DYRK1A: variants seen among roughly 807,000 people sequenced by gnomAD.
DYRK1A encodes dual specificity tyrosine phosphorylation regulated kinase 1A, also known as dual specificity tyrosine-phosphorylation-regulated kinase 1A.
Under a neutral mutation model 79.7 loss-of-function variants are expected in DYRK1A, and 9 were observed. The observed-to-expected ratio is 0.11, with a 90% confidence interval of 0.07 to 0.20. The LOEUF (loss-of-function observed/expected upper bound fraction) is 0.20, where lower values mean the gene tolerates loss of function less well. DYRK1A is among the 10% of genes least tolerant of loss of function. The probability of loss-of-function intolerance (pLI) is 1.00; values close to 1 mark genes in which losing one functional copy is unlikely to be tolerated. For missense variants in DYRK1A, 622 were observed against 956.0 expected, an observed-to-expected ratio of 0.65 and a Z score of 4.61; for synonymous variants, 349 against 329.7, an observed-to-expected ratio of 1.06 and a Z score of -0.63.
chr21:37,502,675 C>T (rs1414553352), intron 9 of DYRK1A: 1 of 152,036 alleles, frequency 6.6e-6, no homozygotes, highest in Non-Finnish European at 1.5e-5. Context: ...TTATATTTAT[C>T]CTTATATTTG....
intron 2 of DYRK1A, among the ~76,000 whole-genome samples, chr21:37,440,004 T>G (rs573178051): frequency 1.6e-4 from 24 of 152,160 alleles, no homozygotes; most frequent in Middle Eastern, 3.4e-3. Context: ...CAATTTTGTT[T>G]AGAATTTTTA....
intron 3 of DYRK1A, among the ~76,000 whole-genome samples, chr21:37,476,818 T>TTCCC (rs1555978497): frequency 5.1e-5 from 4 of 78,146 alleles, no homozygotes; most frequent in African/African-American, 5.2e-5. Context: ...CACCAAGGGT[T>TTCCC]CCCCCCCCCC....
rs1485733080 is a variant in DYRK1A at position 37,413,640 on chromosome 21, G to C, written c.-76-6659G>C. Among the ~76,000 whole-genome samples the C allele has an allele frequency of 2.0e-5, 3 of 152,140 alleles. No homozygotes were observed. The East Asian group carries it at 5.8e-4, about 29-fold the overall frequency. On this transcript the variant is annotated intron_variant, in intron 1 of 11. Transcript: ENST00000647188. Reference sequence around the variant, plus strand: ...TAAATGAGATTACCCTAGATGTTCAGGTTAGTGAGGGAAACGTTACAATAG... The same window carrying C: ...TAAATGAGATTACCCTAGATGTTCACGTTAGTGAGGGAAACGTTACAATAG...
chr21:37,460,613 G>A (rs1156887692), intron 2 of DYRK1A, among the ~76,000 whole-genome samples: 2 of 152,122 alleles, frequency 1.3e-5, no homozygotes, highest in South Asian at 2.1e-4. Context: ...GTTTCCAAAC[G>A]TCCCTACGCT....
At chr21:37,463,203 C>CGTGTGTGTGTGTGTGTGTGTGTGTGT (rs6147501) in intron 2 of DYRK1A, among the ~76,000 whole-genome samples, 19 of 145,362 alleles carry the variant, frequency 1.3e-4, no homozygotes, top group East Asian at 6.2e-4. Context: ...AATGTTGGCA[C>CGTGTGTGTGTGTGTGTGTGTGTGTGT]GTGTGTGTGT....
chr21:37,427,533 T>G (rs2050660512), intron 2 of DYRK1A, among the ~76,000 whole-genome samples: 1 of 152,232 alleles, frequency 6.6e-6, no homozygotes. Context: ...AGTTAATGTT[T>G]AACGGTTCCC....
chr21:37,446,497 G>A (rs1379986881), intron 2 of DYRK1A, among the ~76,000 whole-genome samples: 1 of 151,978 alleles, frequency 6.6e-6, no homozygotes, highest in African/African-American at 2.4e-5. Flanking sequence ...GTAGTTAATG[G>A]GAAAATTCAC....
At chr21:37,392,930 A>G (rs2049897727) in intron 1 of DYRK1A, among the ~76,000 whole-genome samples, 1 of 152,258 alleles carries the variant, frequency 6.6e-6, no homozygotes. Context: ...GTGTCCTCAC[A>G]AGGCAGAACG....
intron 2 of DYRK1A, chr21:37,421,685 A>G (rs1009554041): frequency 1.3e-5 from 2 of 152,134 alleles, no homozygotes; most frequent in Non-Finnish European, 2.9e-5. Flanking sequence ...ATCATAGAAA[A>G]ACAAATAGGC....
At chr21:37,507,377 G>A (rs1224255225) in intron 11 of DYRK1A, among the ~76,000 whole-genome samples, 1 of 151,884 alleles carries the variant, frequency 6.6e-6, no homozygotes, top group African/African-American at 2.4e-5. Context: ...TCATCCTCAG[G>A]CCTCTCCCAT....
Position 37,505,276 on chromosome 21 carries a change from C to A in DYRK1A, c.1213-7C>A. On this transcript the variant is annotated splice_polypyrimidine_tract_variant and splice_region_variant and intron_variant, in intron 9 of 11. Transcript: ENST00000647188. ...TTAGAGAAAGCCTTTCATCTTCTCT[C>A]TTACAGGAGTACAAACCACCAGGAA... The A allele has an allele frequency of 6.2e-7, 1 of 1,602,014 alleles. No homozygotes were observed. The highest frequency in any genetic ancestry group is 1.1e-5 in the South Asian group (1 of 90,184).
rs960078954 is a variant in DYRK1A, at chr21:37,515,608, C to G, written c.*3077C>G. On this transcript the variant is annotated 3_prime_UTR_variant, in exon 12 of 12. Transcript: ENST00000647188. ...TTCTAGAATTCTTGCCACTGTGATTCAATTGCTAACCTAAAGTCTTCTCTT... is the reference window on the plus strand; with the variant it reads ...TTCTAGAATTCTTGCCACTGTGATTGAATTGCTAACCTAAAGTCTTCTCTT... The G allele has an allele frequency of 2.6e-5, 4 of 152,164 alleles. No individual in the cohort carries two copies. Among genetic ancestry groups the G allele is most frequent in the Non-Finnish European group, 4.4e-5 (3 of 68,028 alleles). 9.4% of individuals were successfully genotyped at this position (152,164 alleles called of 1,614,324 possible).
chr21:37,404,655 A>G (rs2148405698), intron 1 of DYRK1A, among the ~76,000 whole-genome samples: 1 of 152,346 alleles, frequency 6.6e-6, no homozygotes, highest in South Asian at 2.1e-4. Flanking sequence ...CCAGACAACC[A>G]GGAGACTCAT....
At chr21:37,388,332 C>T (rs1046038310) in intron 1 of DYRK1A, among the ~76,000 whole-genome samples, 22 of 152,058 alleles carry the variant, frequency 1.4e-4, no homozygotes, top group African/African-American at 5.3e-4. Flanking sequence ...AGTCCACCCA[C>T]CTTGGCTTCT....
Position 37,512,663 on chromosome 21 carries a change from AT to A in DYRK1A, c.*142del, listed in dbSNP as rs36065358. The A allele has an allele frequency of 2.0e-3, 1,874 of 927,210 alleles. No individual in the cohort carries two copies. Among genetic ancestry groups the A allele is most frequent in the Non-Finnish European group, 2.5e-3 (1,605 of 642,722 alleles). The allele number at this position is 927,210 out of a possible 1,614,324, so 57.4% of individuals were successfully genotyped here. A position where few individuals can be genotyped will look rare whatever the true frequency, so the allele number is the denominator to read the frequency against. On this transcript the variant is annotated 3_prime_UTR_variant, in exon 12 of 12. Transcript: ENST00000647188. ...GAACCGCTACAAGAGGGCAAAGCTG[AT>A]TTTTTTTTTAACTTGAAAAGATTGC...
At chr21:37,374,812 C>T (rs967747061) in intron 1 of DYRK1A, among the ~76,000 whole-genome samples, 1 of 152,180 alleles carries the variant, frequency 6.6e-6, no homozygotes, top group African/African-American at 2.4e-5. Flanking sequence ...CTTGGCCTCC[C>T]AAAGTGCTGG....
intron 6 of DYRK1A, among the ~76,000 whole-genome samples, chr21:37,489,063 C>T (rs1338373813): frequency 6.6e-6 from 1 of 152,100 alleles, no homozygotes; most frequent in African/African-American, 2.4e-5. Context: ...CATGAAAGAT[C>T]TAAAAGCAAT....
chr21:37,434,140 T>C (rs2050855792), intron 2 of DYRK1A, among the ~76,000 whole-genome samples: 1 of 152,190 alleles, frequency 6.6e-6, no homozygotes, highest in Non-Finnish European at 1.5e-5. Flanking sequence ...GTGTTAGGGA[T>C]AGGACCAGCA....
intron 9 of DYRK1A, among the ~76,000 whole-genome samples, chr21:37,500,120 A>G (rs2053396942): frequency 6.6e-6 from 1 of 152,224 alleles, no homozygotes; most frequent in Admixed American, 6.5e-5. Context: ...CTTTGTACTT[A>G]AACAGTCTTA....
Sources: gnomAD v4.1 joint callset for allele counts (sites outside exome capture counted in the v4.1 genomes callset) on GRCh38, gnomAD v4.1.1 for gene constraint, MANE v1.5 for transcripts, NCBI Gene and HGNC (gene_info 2026-07-23, HGNC 2026-07-21) for gene names.